Variants in DAB1 observed in about 807,000 individuals in gnomAD.
DAB1 encodes DAB adaptor protein 1, also known as disabled homolog 1.
In DAB1, 15 loss-of-function variants were observed where a neutral mutation model predicts 64.6. The observed-to-expected ratio is 0.23, with a 90% CI of 0.16 to 0.36. The LOEUF (loss-of-function observed/expected upper bound fraction) is 0.36, where lower values mean the gene tolerates loss of function less well. Among genes scored for constraint, DAB1 ranks in the 10% least tolerant of loss-of-function variants. The pLI, the probability that DAB1 is intolerant of heterozygous loss-of-function variation, is 1.00. For missense variants in DAB1, 596 were observed against 706.7 expected, an observed-to-expected ratio of 0.84 and a Z score of 1.78; for synonymous variants, 235 against 251.9, an observed-to-expected ratio of 0.93 and a Z score of 0.64.
chr1:57,877,792 C>T (rs1644075426), intron 1 of DAB1, among the ~76,000 whole-genome samples: 1 of 24,262 alleles, frequency 4.1e-5, no homozygotes. Context: ...TCTCGATCTC[C>T]TGACCTCATG....
intron 6 of DAB1, among the ~76,000 whole-genome samples, chr1:57,675,711 T>C (rs932403187): frequency 1.3e-5 from 2 of 152,248 alleles, no homozygotes; most frequent in African/African-American, 4.8e-5. Flanking sequence ...CATATATTTA[T>C]GTTTAAATTA....
chr1:57,337,657 T>A (rs1348553336), intron 1 of DAB1, among the ~76,000 whole-genome samples: 1 of 152,224 alleles, frequency 6.6e-6, no homozygotes, highest in Non-Finnish European at 1.5e-5. Context: ...TACTGCTGTA[T>A]CTTCAGCACC....
intron 2 of DAB1, among the ~76,000 whole-genome samples, chr1:57,255,076 A>T (rs936131623): frequency 6.6e-6 from 1 of 152,192 alleles, no homozygotes; most frequent in Non-Finnish European, 1.5e-5. Context: ...CTCAATAAAC[A>T]TCTCATGAAT....
At chr1:57,167,169 C>A (rs1557849729) in intron 2 of DAB1, among the ~76,000 whole-genome samples, 1 of 152,140 alleles carries the variant, frequency 6.6e-6, no homozygotes, top group Admixed American at 6.5e-5. Context: ...TGAAAAATAT[C>A]AAAGCAACTT....
At chr1:58,530,672 T>C (rs554515668) in intron 1 of DAB1, 18 of 872,692 alleles carry the variant, frequency 2.1e-5, no homozygotes, top group African/African-American at 8.2e-5. Context: ...GCCCAAATCA[T>C]TGTGAGGAAA....
chr1:58,218,320 T>A (rs926285631), intron 4 of DAB1, among the ~76,000 whole-genome samples: 2 of 152,008 alleles, frequency 1.3e-5, no homozygotes, highest in Non-Finnish European at 2.9e-5. Flanking sequence ...CCGCCTGGAG[T>A]AGGACACCTT....
In DAB1 at chr1:58,539,687, A is replaced by G. The variant is rs191026673; in HGVS notation, n.32+7016T>C. ...AAGGAAGCATGTGATACAGAATAGT[A>G]AAATCTAACTTATAAAATGCACTGG... On this transcript the variant is annotated intron_variant and non_coding_transcript_variant, in intron 1 of 20. Coordinates refer to the DAB1 transcript ENST00000485760. Among the ~76,000 whole-genome samples the G allele has an allele frequency of 1.1e-4, 16 of 152,346 alleles. No individual in the cohort carries two copies. The East Asian group carries it at 2.7e-3, about 26-fold the overall frequency.
At chr1:58,525,793 A>C (rs2100462254) in intron 2 of DAB1, among the ~76,000 whole-genome samples, 1 of 152,228 alleles carries the variant, frequency 6.6e-6, no homozygotes, top group East Asian at 1.9e-4. Context: ...ACTGGAGGAC[A>C]GAAGCTTCAG....
intron 5 of DAB1, among the ~76,000 whole-genome samples, chr1:58,119,053 T>C (rs1224912307): frequency 6.6e-6 from 1 of 152,198 alleles, no homozygotes; most frequent in Non-Finnish European, 1.5e-5. Flanking sequence ...TATACACTTG[T>C]GCAGTAGATG....
intron 3 of DAB1, among the ~76,000 whole-genome samples, chr1:58,493,590 T>A (rs879431237): frequency 0.17 from 25,769 of 149,812 alleles, 2,265 homozygotes; most frequent in Middle Eastern, 0.22. Context: ...AAAATCAATG[T>A]GCAAAAATCA....
At chr1:58,138,475 C>A (rs1187584369) in intron 5 of DAB1, among the ~76,000 whole-genome samples, 1 of 152,118 alleles carries the variant, frequency 6.6e-6, no homozygotes, top group Non-Finnish European at 1.5e-5. Context: ...CTGAGGAATA[C>A]AAACAGCTTG....
chr1:57,821,541 G>T (rs184100936), downstream of DAB1, among the ~76,000 whole-genome samples: 97 of 152,260 alleles, frequency 6.4e-4, no homozygotes, highest in Middle Eastern at 3.4e-3. Context: ...AACCATTTGG[G>T]AGCCATAGAC....
At chr1:57,829,206 G>A (rs1179147646) in intron 1 of DAB1, among the ~76,000 whole-genome samples, 1 of 152,100 alleles carries the variant, frequency 6.6e-6, no homozygotes, top group Non-Finnish European at 1.5e-5. Context: ...AAATTTAAAA[G>A]TGAATTATGA....
At chr1:57,333,229 T>C (rs1676824060) in intron 1 of DAB1, among the ~76,000 whole-genome samples, 2 of 152,206 alleles carry the variant, frequency 1.3e-5, no homozygotes, top group Non-Finnish European at 2.9e-5. Flanking sequence ...TTACCACCAT[T>C]GTCCTAAAGT....
upstream of DAB1, among the ~76,000 whole-genome samples, chr1:57,428,476 C>T (rs1372591676): frequency 2.0e-5 from 3 of 152,224 alleles, no homozygotes; most frequent in African/African-American, 2.4e-5. Flanking sequence ...TTCATGATGT[C>T]GCCAATGGTA....
At chr1:58,017,782 T>G (rs1012142963) in intron 5 of DAB1, among the ~76,000 whole-genome samples, 6 of 152,136 alleles carry the variant, frequency 3.9e-5, no homozygotes, top group Non-Finnish European at 8.8e-5. Flanking sequence ...CCTACTGTGG[T>G]TGCTGTAATG....
chr1:57,188,441 A>T (rs1452323595), intron 2 of DAB1, among the ~76,000 whole-genome samples: 1 of 152,222 alleles, frequency 6.6e-6, no homozygotes, highest in Non-Finnish European at 1.5e-5. Flanking sequence ...CTGAGAAAAT[A>T]TAGTGAGACC....
intron 3 of DAB1, among the ~76,000 whole-genome samples, chr1:58,500,043 G>A (rs748199615): frequency 6.6e-6 from 1 of 152,080 alleles, no homozygotes; most frequent in Non-Finnish European, 1.5e-5. Flanking sequence ...CAGAAAGCAA[G>A]ACATTTCAAG....
Position 58,490,998 on chromosome 1 carries a change from G to A in DAB1, n.257+15062C>T, listed in dbSNP as rs180790810. Among the ~76,000 whole-genome samples, 821 of 151,242 alleles carry A rather than the reference G, an allele frequency of 5.4e-3. 6 individuals carry two copies. The highest frequency in any genetic ancestry group is 0.019 in the African/African-American group (784 of 41,198). On this transcript the variant is annotated intron_variant and non_coding_transcript_variant, in intron 3 of 20. Coordinates refer to the DAB1 transcript ENST00000485760. ...ATTTTTTTGTATTTTTAGTAGAGAC[G>A]GGGTTTCACCATGTTAGCCAGGATG...
Sources: gnomAD v4.1 joint callset for allele counts (sites outside exome capture counted in the v4.1 genomes callset) on GRCh38, gnomAD v4.1.1 for gene constraint, MANE v1.5 for transcripts, NCBI Gene and HGNC (gene_info 2026-07-23, HGNC 2026-07-21) for gene names.